Variants in ALG5 observed in about 807,000 individuals in gnomAD.
ALG5 encodes the protein dolichyl-phosphate beta-glucosyltransferase.
ALG5 carries 26 observed loss-of-function variants against 51.8 expected under a neutral mutation model. That is an observed-to-expected ratio of 0.50 (90% confidence interval 0.37 to 0.70). The LOEUF is 0.70. ALG5 is among the 30% of genes least tolerant of loss of function. The pLI, the probability that ALG5 is intolerant of heterozygous loss-of-function variation, is 0.00. For missense variants in ALG5, 311 were observed against 399.3 expected (o/e 0.78, Z 1.88); for synonymous variants, 141 against 136.1 (o/e 1.04, Z -0.25).
chr13:36,978,189 GTT>G (rs34782335), intron 6 of ALG5, among the ~76,000 whole-genome samples: 2 of 124,770 alleles, frequency 1.6e-5, no homozygotes, highest in Admixed American at 8.5e-5. Context: ...CCCCACCTTT[GTT>G]TTTTTTTTTT....
intron 1 of ALG5, among the ~76,000 whole-genome samples, chr13:36,997,238 C>T (rs1185233549): frequency 1.3e-5 from 2 of 152,002 alleles, no homozygotes; most frequent in African/African-American, 4.8e-5. Context: ...TTTGGGAGGC[C>T]GAGGAGGGTG....
intron 6 of ALG5, among the ~76,000 whole-genome samples, chr13:36,984,448 C>T (rs1368664944): frequency 1.3e-5 from 2 of 152,052 alleles, no homozygotes; most frequent in African/African-American, 4.8e-5. Context: ...CCTTTGAAGA[C>T]CTGTGTTGCT....
intron 6 of ALG5, among the ~76,000 whole-genome samples, chr13:36,983,882 A>G (rs917861037): frequency 3.9e-5 from 6 of 151,924 alleles, no homozygotes; most frequent in African/African-American, 9.7e-5. Context: ...ATAAATATTT[A>G]TTTCTAGAAG....
chr13:36,985,551 A>C lies in ALG5; in HGVS notation c.561+76T>G, dbSNP rs2058998362. 2.5e-6 allele frequency: 3 copies of C among 1,191,518 alleles called. No individual in the cohort carries two copies. In the African/African-American group the frequency reaches 4.6e-5, roughly 18 times the overall value. The allele number at this position is 1,191,518 out of a possible 1,614,324, so 73.8% of individuals were successfully genotyped here. A position where few individuals can be genotyped will look rare whatever the true frequency, so the allele number is the denominator to read the frequency against. ...ACACTCAGTTTTTAAACTGATAGGT[A>C]AACTCTCCTTTAACTTTACTTTAGC... On this transcript the variant is annotated intron_variant, in intron 6 of 9. Coordinates refer to ENST00000239891, the MANE Select transcript of ALG5 (RefSeq NM_013338.5).
At chr13:36,965,497 T>C (rs957875597) in intron 8 of ALG5, 78 bp downstream of exon 8, 44 of 1,374,872 alleles carry the variant, frequency 3.2e-5, no homozygotes, top group Non-Finnish European at 4.1e-5. Context: ...TCATTATAAA[T>C]ATACAGGGCT....
chr13:36,950,241 A>G (rs925669744), intron 9 of ALG5, among the ~76,000 whole-genome samples, 184 bp from the exon 10 acceptor site: 3 of 152,200 alleles, frequency 2.0e-5, no homozygotes, highest in Admixed American at 6.5e-5. Flanking sequence ...AAAAACAAAA[A>G]CAGAACATCT....
intron 9 of ALG5, among the ~76,000 whole-genome samples, chr13:36,950,837 T>C (rs1199852349): frequency 6.6e-6 from 1 of 152,036 alleles, no homozygotes; most frequent in Non-Finnish European, 1.5e-5. Context: ...CCTCCCAACT[T>C]AGGCTCCCAA....
At chr13:36,978,102 G>A (rs1341337104) in intron 6 of ALG5, among the ~76,000 whole-genome samples, 1 of 150,380 alleles carries the variant, frequency 6.6e-6, no homozygotes, top group Non-Finnish European at 1.5e-5. Flanking sequence ...TAGCCAGGAT[G>A]GTCTCCATCT....
intron 4 of ALG5, among the ~76,000 whole-genome samples, chr13:36,991,605 C>T (rs2059025749): frequency 6.6e-6 from 1 of 151,620 alleles, no homozygotes; most frequent in African/African-American, 2.4e-5. Context: ...TCTAACTCCT[C>T]TTTGCTGAGT....
rs1234047673 is a variant in ALG5, at chr13:36,971,995, T to C, written c.603A>G (p.Glu201=). 6.2e-7 allele frequency: 1 copy of C among 1,604,566 alleles called. No homozygotes were observed. The highest frequency in any genetic ancestry group is 8.5e-7 in the Non-Finnish European group (1 of 1,174,890). The part of the protein sequence containing the change: ...AIACGSRAHL[E]KESIAQRSYF... ...GTCTCACCTGAGCAATTGATTCTTT[T>C]TCTAAATGAGCTCGAGATCCACATG... is the stretch of plus-strand genomic sequence containing the variant. Residue 201 remains glutamate (E), a synonymous_variant, in exon 7 of 10, where the codon GAA becomes GAG. Coordinates refer to ENST00000239891, the MANE Select transcript of ALG5 (RefSeq NM_013338.5).
intron 5 of ALG5, 55 bp from the exon 6 acceptor site, chr13:36,985,795 A>G: frequency 8.5e-7 from 1 of 1,175,184 alleles, no homozygotes. Flanking sequence ...GGTTAAATTC[A>G]ATGACACTTC....
chr13:36,965,456 A>G, intron 8 of ALG5, 119 bp downstream of exon 8: 1 of 1,077,466 alleles, frequency 9.3e-7, no homozygotes, highest in Admixed American at 2.3e-5. Context: ...GTTTACATAC[A>G]TTATTGTCAA....
chr13:36,981,251 G>C (rs959483004), intron 6 of ALG5, among the ~76,000 whole-genome samples: 2 of 151,798 alleles, frequency 1.3e-5, no homozygotes, highest in African/African-American at 4.8e-5. Flanking sequence ...AATCAGCTAA[G>C]AAAGAAGACA....
chr13:36,970,180 C>T (rs949939095), intron 7 of ALG5, among the ~76,000 whole-genome samples: 6 of 151,960 alleles, frequency 3.9e-5, no homozygotes, highest in African/African-American at 1.4e-4. Context: ...AGGATTAATT[C>T]TAAGCTCTCT....
intron 4 of ALG5, among the ~76,000 whole-genome samples, chr13:36,989,863 AAACAAC>A (rs375006196): frequency 6.6e-6 from 1 of 152,184 alleles, no homozygotes. Flanking sequence ...GCTAAAAAAC[AAACAAC>A]AACAACAACA....
chr13:36,966,497 T>C (rs1485427839), intron 7 of ALG5, among the ~76,000 whole-genome samples: 1 of 152,182 alleles, frequency 6.6e-6, no homozygotes, highest in Admixed American at 6.5e-5. Flanking sequence ...ATAGGATCTT[T>C]CTAAAAAATA....
At chr13:36,994,375 CAATGGCAGCT>C (rs1421139069) in intron 3 of ALG5, among the ~76,000 whole-genome samples, 1 of 151,992 alleles carries the variant, frequency 6.6e-6, no homozygotes, top group African/African-American at 2.4e-5. Context: ...AAGGGGATTC[CAATGGCAGCT>C]AATGTTACAA....
intron 6 of ALG5, among the ~76,000 whole-genome samples, chr13:36,981,230 C>CA: frequency 6.6e-6 from 1 of 151,754 alleles, no homozygotes; most frequent in East Asian, 1.9e-4. Flanking sequence ...TTTTTGTAGT[C>CA]ATTAAAAAAA....
intron 8 of ALG5, among the ~76,000 whole-genome samples, chr13:36,960,388 G>A (rs1204764438): frequency 2.6e-5 from 4 of 152,176 alleles, no homozygotes; most frequent in Admixed American, 2.6e-4. Flanking sequence ...CAGCTATGGA[G>A]TGGAAATTGG....
Sources: gnomAD v4.1 joint callset for allele counts (sites outside exome capture counted in the v4.1 genomes callset) on GRCh38, gnomAD v4.1.1 for gene constraint, MANE v1.5 for transcripts, NCBI Gene and HGNC (gene_info 2026-07-23, HGNC 2026-07-21) for gene names.